Variants in CLDN10 observed in about 807,000 individuals in gnomAD.
The protein encoded by CLDN10 is claudin 10.
CLDN10 carries 15 observed loss-of-function variants against 22.9 expected under a neutral mutation model. The observed-to-expected ratio is 0.65, with a 90% CI of 0.44 to 1.01. The LOEUF (loss-of-function observed/expected upper bound fraction) is 1.01. CLDN10 is among the 50% of genes least tolerant of loss of function. The pLI is 0.00. For missense variants in CLDN10, 247 were observed against 287.8 expected (o/e 0.86, Z 1.03); for synonymous variants, 114 against 111.4 (o/e 1.02, Z -0.15).
chr13:95,472,865 G>A (rs1013552886), intron 1 of CLDN10, among the ~76,000 whole-genome samples: 4 of 151,272 alleles, frequency 2.6e-5, no homozygotes, highest in African/African-American at 9.7e-5. Context: ...CTCTGTCCTG[G>A]TGCAGTGGCT....
At chr13:95,458,633 A>C (rs941154454) in intron 1 of CLDN10, among the ~76,000 whole-genome samples, 1 of 152,148 alleles carries the variant, frequency 6.6e-6, no homozygotes, top group Non-Finnish European at 1.5e-5. Context: ...CCATGATTCA[A>C]TTACCTCCAC....
intron 1 of CLDN10, among the ~76,000 whole-genome samples, chr13:95,527,953 A>G (rs1410864564): frequency 2.0e-5 from 3 of 152,066 alleles, no homozygotes; most frequent in African/African-American, 4.8e-5. Flanking sequence ...GACCACTAGG[A>G]TTTGTGGCAA....
intron 1 of CLDN10, among the ~76,000 whole-genome samples, chr13:95,462,701 A>G (rs2042546021): frequency 6.6e-6 from 1 of 152,244 alleles, no homozygotes. Flanking sequence ...AAGAAGACAA[A>G]AAACAGAAAT....
At chr13:95,525,885 T>C (rs1423733205) in intron 1 of CLDN10, among the ~76,000 whole-genome samples, 1 of 152,114 alleles carries the variant, frequency 6.6e-6, no homozygotes, top group Non-Finnish European at 1.5e-5. Flanking sequence ...GCATCTAGCT[T>C]TGTGCGCCTG....
chr13:95,494,534 C>T (rs562898020), intron 1 of CLDN10, among the ~76,000 whole-genome samples: 1 of 152,314 alleles, frequency 6.6e-6, no homozygotes, highest in East Asian at 1.9e-4. Flanking sequence ...TTTATCTCTA[C>T]AATGTCAACA....
chr13:95,523,526 G>A, intron 1 of CLDN10, among the ~76,000 whole-genome samples: 1 of 152,056 alleles, frequency 6.6e-6, no homozygotes, highest in East Asian at 1.9e-4. Context: ...GTAAATATTT[G>A]CCGTTTATTT....
At chr13:95,533,321 T>C (rs1298115660) in intron 1 of CLDN10, among the ~76,000 whole-genome samples, 2 of 152,082 alleles carry the variant, frequency 1.3e-5, no homozygotes, top group African/African-American at 4.8e-5. Context: ...GTGTTGGGTA[T>C]GATATATGGG....
At chr13:95,492,996 G>A (rs969541494) in intron 1 of CLDN10, among the ~76,000 whole-genome samples, 2 of 152,248 alleles carry the variant, frequency 1.3e-5, no homozygotes, top group African/African-American at 4.8e-5. Flanking sequence ...TCCCACTTCC[G>A]CAGTTGGGGC....
At chr13:95,462,174 C>T (rs971774349) in intron 1 of CLDN10, among the ~76,000 whole-genome samples, 2 of 152,152 alleles carry the variant, frequency 1.3e-5, no homozygotes, top group Non-Finnish European at 2.9e-5. Flanking sequence ...CCTGTAAAAT[C>T]CAGCTGTAAT....
chr13:95,538,719 A>G (rs576154474), intron 1 of CLDN10, among the ~76,000 whole-genome samples: 6 of 152,168 alleles, frequency 3.9e-5, no homozygotes, highest in East Asian at 3.9e-4. Flanking sequence ...TTCTGAGGCC[A>G]TGACTCCTCC....
At chr13:95,503,147 A>T (rs891520977) in intron 1 of CLDN10, among the ~76,000 whole-genome samples, 36 of 152,176 alleles carry the variant, frequency 2.4e-4, no homozygotes, top group African/African-American at 8.7e-4. Flanking sequence ...TGCCCATTGG[A>T]GATATTTAAT....
At chr13:95,539,159 G>A (rs1358624708) in intron 1 of CLDN10, among the ~76,000 whole-genome samples, 1 of 152,202 alleles carries the variant, frequency 6.6e-6, no homozygotes, top group Non-Finnish European at 1.5e-5. Flanking sequence ...GATTACAGGC[G>A]TGAGCCACCG....
chr13:95,463,285 A>AATATAT (rs200962205), intron 1 of CLDN10, among the ~76,000 whole-genome samples: 644 of 39,766 alleles, frequency 0.016, 8 homozygotes, highest in Non-Finnish European at 0.02. Context: ...GCAAATGCTT[A>AATATAT]ATATATATAT....
intron 1 of CLDN10, among the ~76,000 whole-genome samples, chr13:95,540,995 G>A (rs1235239036): frequency 1.3e-5 from 2 of 152,218 alleles, no homozygotes; most frequent in Non-Finnish European, 1.5e-5. Context: ...ATGTGACTTG[G>A]AACACTGGGT....
At chr13:95,511,765 T>TA (rs1198145278) in intron 1 of CLDN10, among the ~76,000 whole-genome samples, 1 of 70,482 alleles carries the variant, frequency 1.4e-5, no homozygotes, top group Non-Finnish European at 2.9e-5. Flanking sequence ...AGATTCTCTC[T>TA]CCTTTTTTTT....
At chr13:95,518,981 A>G (rs1231130576) in intron 1 of CLDN10, among the ~76,000 whole-genome samples, 2 of 152,108 alleles carry the variant, frequency 1.3e-5, no homozygotes, top group African/African-American at 2.4e-5. Context: ...TCAATTGTTG[A>G]GGCCTCCATG....
At chr13:95,476,594 G>A (rs1461692247) in intron 1 of CLDN10, among the ~76,000 whole-genome samples, 1 of 152,176 alleles carries the variant, frequency 6.6e-6, no homozygotes, top group East Asian at 1.9e-4. Flanking sequence ...GACCATAGCA[G>A]CTGTGGGTGA....
chr13:95,503,065 A>G (rs1372563240), intron 1 of CLDN10, among the ~76,000 whole-genome samples: 1 of 152,198 alleles, frequency 6.6e-6, no homozygotes, highest in Non-Finnish European at 1.5e-5. Flanking sequence ...AATTTGCTCA[A>G]ATGCTTCCTG....
chr13:95,451,464 T>G (rs2042430961), intron 1 of CLDN10, among the ~76,000 whole-genome samples: 1 of 152,220 alleles, frequency 6.6e-6, no homozygotes, highest in Middle Eastern at 3.2e-3. Flanking sequence ...ATGGTCTCGC[T>G]CTGTCACCCA....
Sources: gnomAD v4.1 joint callset for allele counts (sites outside exome capture counted in the v4.1 genomes callset) on GRCh38, gnomAD v4.1.1 for gene constraint, MANE v1.5 for transcripts, NCBI Gene and HGNC (gene_info 2026-07-23, HGNC 2026-07-21) for gene names.